Variants in OR10K2 observed in about 807,000 individuals in gnomAD.
The protein encoded by OR10K2 is olfactory receptor family 10 subfamily K member 2, also known as olfactory receptor 10K2.
For synonymous variants in OR10K2, 169 were observed against 146.4 expected, an observed-to-expected ratio of 1.15 and a Z score of -1.11; for missense variants, 401 against 367.1, an observed-to-expected ratio of 1.09 and a Z score of -0.76.
At position 158,421,329 on chromosome 1, in the gene OR10K2, C is replaced by T. The variant is rs564664231; in HGVS notation, c.-61-402G>A. Among the ~76,000 whole-genome samples, 31 of 152,168 alleles carry T rather than the reference C, an allele frequency of 2.0e-4. 1 individual carries two copies. In the South Asian group the frequency reaches 2.3e-3, roughly 11 times the overall value. ...CTCAATGGTTCTTAATTGTCATTCT[C>T]GTTACACCTAAACCCCCACTCTTAG... On this transcript the variant is annotated intron_variant, in intron 1 of 1. Coordinates refer to ENST00000641042, the MANE Select transcript of OR10K2 (RefSeq NM_001004476.2).
Position 158,418,437 on chromosome 1 carries a change from G to A in OR10K2, c.*1491C>T, listed in dbSNP as rs926197886. On this transcript the variant is annotated 3_prime_UTR_variant, in exon 2 of 2. Transcript: ENST00000641042. ...GGCCTGGGGTGGGCAATATGGCCAAGGAAAAGACAACTTGGGGGCCACTGA... is the reference window on the plus strand; with the variant it reads ...GGCCTGGGGTGGGCAATATGGCCAAAGAAAAGACAACTTGGGGGCCACTGA... The A allele has an allele frequency of 2.6e-5, 4 of 152,056 alleles. No individual in the cohort carries two copies. The highest frequency in any genetic ancestry group is 2.0e-4 in the Admixed American group (3 of 15,222). 9.4% of individuals were successfully genotyped at this position (152,056 alleles called of 1,614,324 possible).
intron 1 of OR10K2, among the ~76,000 whole-genome samples, chr1:158,421,783 A>G (rs1187639359): frequency 1.3e-5 from 2 of 152,180 alleles, no homozygotes; most frequent in African/African-American, 4.8e-5. Context: ...GCTATAGTAT[A>G]GAGTTCAAAC....
intron 1 of OR10K2, among the ~76,000 whole-genome samples, chr1:158,424,737 C>CTGTGTG (rs146971622): frequency 6.0e-5 from 9 of 149,470 alleles, no homozygotes; most frequent in Non-Finnish European, 8.9e-5. Flanking sequence ...ACAGTACAAT[C>CTGTGTG]TGTGTGTGTG....
rs1210779151 is a variant in OR10K2, at chr1:158,419,019, T to C, written c.*909A>G. ...CCCTGTGAATATCTTCAGGGTATGC[T>C]GACCAAATTTAGATGTATGCCTCTG... On this transcript the variant is annotated 3_prime_UTR_variant, in exon 2 of 2. Transcript: ENST00000641042. 6.6e-6 allele frequency: 1 copy of C among 152,228 alleles called. No homozygotes were observed. The highest frequency in any genetic ancestry group is 1.5e-5 in the Non-Finnish European group (1 of 68,018). The allele number at this position is 152,228 out of a possible 1,614,324, so 9.4% of individuals were successfully genotyped here.
Position 158,420,049 on chromosome 1 carries a change from A to G in OR10K2, c.818T>C (p.Leu273Pro), listed in dbSNP as rs1257066085. The change falls in exon 2 of 2, where the codon CTA (leucine) becomes CCA (proline). Residue 273 changes from leucine to proline, a missense_variant. Coordinates refer to ENST00000641042, the MANE Select transcript of OR10K2 (RefSeq NM_001004476.2). ...QSNYSSSQDA[L>P]ISVSYTIITP... Reference sequence around the variant, plus strand: ...TATAATAGTGTAGGATACTGATATTAGAGCATCCTGGCTTGAGGAGTAGTT... The same window carrying G: ...TATAATAGTGTAGGATACTGATATTGGAGCATCCTGGCTTGAGGAGTAGTT... 3 of 1,613,672 alleles carry G rather than the reference A, an allele frequency of 1.9e-6. No individual in the cohort carries two copies. The highest frequency in any genetic ancestry group is 1.7e-4 in the Middle Eastern group (1 of 6,050).
At position 158,420,638 on chromosome 1, in the gene OR10K2, T is replaced by A; in HGVS notation, c.229A>T (p.Ile77Phe). The A allele has an allele frequency of 6.2e-7, 1 of 1,613,744 alleles. No individual in the cohort carries two copies. The highest frequency in any genetic ancestry group is 8.5e-7 in the Non-Finnish European group (1 of 1,179,860). The change falls in exon 2 of 2, where the codon ATT (isoleucine) becomes TTT (phenylalanine). Residue 77 changes from isoleucine to phenylalanine, a missense_variant. Physicochemically the swap from Ile to Phe is conservative, Grantham distance 21. Transcript: ENST00000641042. ...SCSEICYTFIIVPKMLVDLLS... is the reference protein window; with the variant it reads ...SCSEICYTFIFVPKMLVDLLS... ...AGGTCAACCAGCATCTTGGGTACAATGATGAAGGTGTAGCAAATCTCAGAG... is the reference window on the plus strand; with the variant it reads ...AGGTCAACCAGCATCTTGGGTACAAAGATGAAGGTGTAGCAAATCTCAGAG...
rs1404916546 is a variant in OR10K2, at chr1:158,418,718, A to T, written c.*1210T>A. Reference sequence around the variant, plus strand: ...AATCAATCAGGAGACTTTTATTGACAGGTGGATCTTGAAAAGAGTTATAAT... The same window carrying T: ...AATCAATCAGGAGACTTTTATTGACTGGTGGATCTTGAAAAGAGTTATAAT... On this transcript the variant is annotated 3_prime_UTR_variant, in exon 2 of 2. Coordinates refer to ENST00000641042, the MANE Select transcript of OR10K2 (RefSeq NM_001004476.2). 6.6e-6 allele frequency: 1 copy of T among 152,178 alleles called. No individual in the cohort carries two copies. The highest frequency in any genetic ancestry group is 6.6e-5 in the Admixed American group (1 of 15,264). 9.4% of individuals were successfully genotyped at this position (152,178 alleles called of 1,614,324 possible).
In OR10K2 at chr1:158,420,762, G is replaced by A. The variant is rs1655139274; in HGVS notation, c.105C>T (p.Tyr35=). The change falls in exon 2 of 2, where the codon TAC becomes TAT. Residue 35 remains tyrosine (Y), a synonymous_variant. Transcript: ENST00000641042. ...TTGCATTGGTGCCCAGAGTGAACAG[G>A]TAGAGGAGCAGGAAGATAACAAAGA... ...QLLFVIFLLL[Y]LFTLGTNAII... 2 of 1,613,756 alleles carry A rather than the reference G, an allele frequency of 1.2e-6. No homozygotes were observed.
In OR10K2 at chr1:158,419,944, GTTC is replaced by G; in HGVS notation, c.920_922del (p.Arg307del). 4 of 1,609,648 alleles carry G rather than the reference GTTC, an allele frequency of 2.5e-6. No individual in the cohort carries two copies. Among genetic ancestry groups the G allele is most frequent in the Non-Finnish European group, 3.4e-6 (4 of 1,177,486 alleles). ...AGATTAATTTTACAACAGGGAAATTGTTCTTCTCACAATTTTACAAAGAGCTGA... is the reference window on the plus strand; with the variant it reads ...AGATTAATTTTACAACAGGGAAATTGTTCTCACAATTTTACAAAGAGCTGA... On this transcript the variant is annotated inframe_deletion, in exon 2 of 2. Coordinates refer to ENST00000641042, the MANE Select transcript of OR10K2 (RefSeq NM_001004476.2).
At position 158,425,432 on chromosome 1, in the gene OR10K2, C is replaced by T. The variant is rs188216127; in HGVS notation, c.-62+501G>A. Among the ~76,000 whole-genome samples, 382 of 152,196 alleles carry T rather than the reference C, an allele frequency of 2.5e-3. 1 individual carries two copies. Among genetic ancestry groups the T allele is most frequent in the Non-Finnish European group, 3.9e-3 (263 of 67,986 alleles). Reference sequence around the variant, plus strand: ...TGCCTTCTGAAGATATTTGTTTCATCCATAATTACTTTCTCTTTTTTGGCA... The same window carrying T: ...TGCCTTCTGAAGATATTTGTTTCATTCATAATTACTTTCTCTTTTTTGGCA... On this transcript the variant is annotated intron_variant, in intron 1 of 1. Transcript: ENST00000641042.
rs1251685081 is a variant in OR10K2, at chr1:158,420,856, A to AC, written c.10dup (p.Val4GlyfsTer3). 2.5e-6 allele frequency: 4 copies of AC among 1,613,142 alleles called. No homozygotes were observed. Among genetic ancestry groups the AC allele is most frequent in the Non-Finnish European group, 3.4e-6 (4 of 1,179,594 alleles). The stretch of plus-strand genomic sequence containing the variant: ...GACCTCTCTCACCACAGTCTCATTG[A>AC]CCCGCTCCATGGAGCATACATCATC... On this transcript the variant is annotated frameshift_variant, in exon 2 of 2. Coordinates refer to ENST00000641042, the MANE Select transcript of OR10K2 (RefSeq NM_001004476.2). LOFTEE classifies it low-confidence loss of function (END_TRUNC).
In OR10K2 at chr1:158,420,468, TG is replaced by T; in HGVS notation, c.398del (p.Ser133Ter). 6.2e-7 allele frequency: 1 copy of T among 1,613,858 alleles called. No homozygotes were observed. The highest frequency in any genetic ancestry group is 8.5e-7 in the Non-Finnish European group (1 of 1,179,892). The stretch of plus-strand genomic sequence containing the variant: ...TACACACCCCATGTCCCATTAGCAC[TG>T]AGTAGCGCAGTGGGTTACAGATGGC... ...YIAICNPLRY[S>X]VLMGHGVCMG... On this transcript the variant is annotated frameshift_variant, in exon 2 of 2. Coordinates refer to ENST00000641042, the MANE Select transcript of OR10K2 (RefSeq NM_001004476.2). LOFTEE classifies it low-confidence loss of function (END_TRUNC).
At chr1:158,422,221 G>A (rs1364682530) in intron 1 of OR10K2, among the ~76,000 whole-genome samples, 3 of 151,992 alleles carry the variant, frequency 2.0e-5, no homozygotes, top group Non-Finnish European at 4.4e-5. Flanking sequence ...ACCATATTAA[G>A]TACTTAACAC....
Position 158,420,440 on chromosome 1 carries a change from C to T in OR10K2, c.427G>A (p.Gly143Arg), listed in dbSNP as rs777198083. 1 of 1,613,774 alleles carries T rather than the reference C, an allele frequency of 6.2e-7. No homozygotes were observed. The highest frequency in any genetic ancestry group is 8.5e-7 in the Non-Finnish European group (1 of 1,179,900). ...CAGGCACAGGCAGCAGCCACTAGTCCCATACACACCCCATGTCCCATTAGC... is the reference window on the plus strand; with the variant it reads ...CAGGCACAGGCAGCAGCCACTAGTCTCATACACACCCCATGTCCCATTAGC... ...SVLMGHGVCM[G>R]LVAAACACGF... The change falls in exon 2 of 2, where the codon GGA becomes AGA. Residue 143 changes from glycine (G) to arginine (R), a missense_variant. Coordinates refer to ENST00000641042, the MANE Select transcript of OR10K2 (RefSeq NM_001004476.2).
chr1:158,422,551 C>A (rs560199342), intron 1 of OR10K2, among the ~76,000 whole-genome samples: 1 of 152,092 alleles, frequency 6.6e-6, no homozygotes, highest in East Asian at 1.9e-4. Flanking sequence ...CTCTGTAGAG[C>A]AAATTAGAAT....
intron 1 of OR10K2, among the ~76,000 whole-genome samples, chr1:158,425,396 C>T (rs1320395118): frequency 6.6e-6 from 1 of 152,124 alleles, no homozygotes; most frequent in Non-Finnish European, 1.5e-5. Context: ...GTGATTTCCA[C>T]AGTATTATCC....
chr1:158,420,112 T>C lies in OR10K2; in HGVS notation c.755A>G (p.Tyr252Cys). 8 of 1,613,650 alleles carry C rather than the reference T, an allele frequency of 5.0e-6. No homozygotes were observed. The highest frequency in any genetic ancestry group is 6.8e-6 in the Non-Finnish European group (8 of 1,179,834). ...VSHLIIVTVH[Y>C]GCASFIYLRP... The stretch of plus-strand genomic sequence containing the variant: ...TAAGTAGATAAAGGAGGCACAGCCA[T>C]AGTGGACAGTGACAATAATGAGGTG... Residue 252 changes from tyrosine to cysteine, a missense_variant, in exon 2 of 2, where the codon TAT becomes TGT. By Grantham distance (194) the Tyr-to-Cys change is radical. Coordinates refer to ENST00000641042, the MANE Select transcript of OR10K2 (RefSeq NM_001004476.2).
chr1:158,422,016 C>T (rs1022314795), intron 1 of OR10K2, among the ~76,000 whole-genome samples: 10 of 152,046 alleles, frequency 6.6e-5, no homozygotes, highest in African/African-American at 2.4e-4. Flanking sequence ...TTTCTTGCTA[C>T]CTTCTGGTGA....
chr1:158,420,812 A>T lies in OR10K2; in HGVS notation c.55T>A (p.Ser19Thr). Residue 19 changes from serine (S) to threonine (T), a missense_variant, in exon 2 of 2, where the codon TCC (serine) becomes ACC (threonine). Coordinates refer to ENST00000641042, the MANE Select transcript of OR10K2 (RefSeq NM_001004476.2). ...AGCAGCTGCTGCAGCCTGGCCAGGGATGAGAAGCCGAGGAAGATGACCTCT... is the reference window on the plus strand; with the variant it reads ...AGCAGCTGCTGCAGCCTGGCCAGGGTTGAGAAGCCGAGGAAGATGACCTCT... ...VREVIFLGFS[S>T]LARLQQLLFV... The T allele has an allele frequency of 6.2e-7, 1 of 1,613,680 alleles. No homozygotes were observed. The highest frequency in any genetic ancestry group is 8.5e-7 in the Non-Finnish European group (1 of 1,179,842).
Sources: gnomAD v4.1 joint callset for allele counts (sites outside exome capture counted in the v4.1 genomes callset) on GRCh38, gnomAD v4.1.1 for gene constraint, MANE v1.5 for transcripts, NCBI Gene and HGNC (gene_info 2026-07-23, HGNC 2026-07-21) for gene names.